The following ST6GALNAC2 variants were observed in gnomAD, a reference collection of about 807,000 sequenced individuals.
ST6GALNAC2 encodes the protein alpha-N-acetylgalactosaminide alpha-2,6-sialyltransferase 2.
ST6GALNAC2 carries 42 observed loss-of-function variants against 38.7 expected under a neutral mutation model. The ratio of observed to expected loss-of-function variants is 1.09; its 90% CI spans 0.85 to 1.40. ST6GALNAC2 has a LOEUF of 1.40. Ranked by LOEUF, ST6GALNAC2 falls within the 40% of genes most tolerant of loss-of-function variation. The probability of loss-of-function intolerance (pLI) is 0.00; values close to 1 mark genes in which losing one functional copy is unlikely to be tolerated. For synonymous variants in ST6GALNAC2, 233 were observed against 209.0 expected, an observed-to-expected ratio of 1.11 and a Z score of -0.99; for missense variants, 506 against 481.7, an observed-to-expected ratio of 1.05 and a Z score of -0.47.
chr17:76,574,348 C>T lies in ST6GALNAC2; in HGVS notation c.361+17G>A. 1 of 1,605,218 alleles carries T rather than the reference C, an allele frequency of 6.2e-7. No individual in the cohort carries two copies. The highest frequency in any genetic ancestry group is 1.1e-5 in the South Asian group (1 of 90,174). ...GCTAAGGCAGAAGGCAGGTGAGAGA[C>T]AGCGGGCGCGGGTTACCTTGGTGAG... On this transcript the variant is annotated intron_variant, in intron 3 of 8. Coordinates refer to ENST00000225276, the MANE Select transcript of ST6GALNAC2 (RefSeq NM_006456.3).
chr17:76,568,962 G>T, intron 6 of ST6GALNAC2, 166 bp from the exon 7 acceptor site: 1 of 625,632 alleles, frequency 1.6e-6, no homozygotes, highest in South Asian at 1.9e-5. Flanking sequence ...CAGGCAGTAC[G>T]TTGGGGACCA....
intron 8 of ST6GALNAC2, among the ~76,000 whole-genome samples, chr17:76,566,711 AAAAG>A (rs1387487374): frequency 2.3e-4 from 35 of 152,102 alleles, no homozygotes; most frequent in African/African-American, 5.3e-4. Flanking sequence ...AAAAAAAAAA[AAAAG>A]AGCTGGGCGT....
chr17:76,583,049 C>G (rs2075498232), intron 1 of ST6GALNAC2, among the ~76,000 whole-genome samples: 1 of 152,126 alleles, frequency 6.6e-6, no homozygotes, highest in African/African-American at 2.4e-5. Flanking sequence ...ATTAGATACC[C>G]TGAAACAATT....
chr17:76,579,953 C>T (rs182639526), intron 1 of ST6GALNAC2, among the ~76,000 whole-genome samples: 1 of 152,344 alleles, frequency 6.6e-6, no homozygotes, highest in East Asian at 1.9e-4. Context: ...TCTGAAACCT[C>T]ACTTCCTGGG....
chr17:76,583,505 T>C (rs990436127), intron 1 of ST6GALNAC2, among the ~76,000 whole-genome samples: 2 of 151,966 alleles, frequency 1.3e-5, no homozygotes, highest in Non-Finnish European at 2.9e-5. Context: ...AGAGTGAGAC[T>C]GTCCCCAAAA....
intron 1 of ST6GALNAC2, among the ~76,000 whole-genome samples, chr17:76,583,984 T>G: frequency 8.4e-6 from 1 of 119,268 alleles, no homozygotes; most frequent in Admixed American, 9.5e-5. Flanking sequence ...ATTTTTTGTA[T>G]TTTTTAGTAG....
rs148038348 is a variant in ST6GALNAC2 at position 76,572,928 on chromosome 17, C to G, written c.531-153G>C. Among the ~76,000 whole-genome samples, 751 of 152,274 alleles carry G rather than the reference C, an allele frequency of 4.9e-3. 8 individuals carry two copies. The highest frequency in any genetic ancestry group is 0.017 in the African/African-American group (696 of 41,546). On this transcript the variant is annotated intron_variant, in intron 4 of 8. Transcript: ENST00000225276. ...CCAGTGCCCAGTTGTCAACCAGACCCCCACTCCTCCAGACCTCAAGGGGTG... is the reference window on the plus strand; with the variant it reads ...CCAGTGCCCAGTTGTCAACCAGACCGCCACTCCTCCAGACCTCAAGGGGTG...
chr17:76,567,649 G>A, intron 7 of ST6GALNAC2, 97 bp from the exon 8 acceptor site: 1 of 784,732 alleles, frequency 1.3e-6, no homozygotes, highest in Non-Finnish European at 2.2e-6. Flanking sequence ...TTCAAAAACT[G>A]AGGGCCTTCT....
At chr17:76,569,448 G>A (rs1046233905) in intron 6 of ST6GALNAC2, 18 of 373,112 alleles carry the variant, frequency 4.8e-5, no homozygotes, top group Non-Finnish European at 7.0e-5. Flanking sequence ...CCTGAGGACT[G>A]GGGTTCAGGG....
chr17:76,581,952 C>T (rs1263079289), intron 1 of ST6GALNAC2, among the ~76,000 whole-genome samples: 2 of 151,946 alleles, frequency 1.3e-5, no homozygotes, highest in African/African-American at 2.4e-5. Flanking sequence ...ACTGCAACCT[C>T]CACCTCCTGG....
chr17:76,582,338 A>ATTT lies in ST6GALNAC2; in HGVS notation c.125+3343_125+3345dup, dbSNP rs71158026. Among the ~76,000 whole-genome samples the ATTT allele has an allele frequency of 3.0e-3, 344 of 115,324 alleles. 7 individuals carry two copies. The highest frequency in any genetic ancestry group is 0.02 in the East Asian group (79 of 4,002). 75.7% of individuals were successfully genotyped at this position (115,324 alleles called of 152,430 possible). A position where few individuals can be genotyped will look rare whatever the true frequency, so the allele number is the denominator to read the frequency against. ...CAGGCATGTGTCACCATGCCTGGCT[A>ATTT]TTTTTTTTTTTTTTGGTATTTTTAG... On this transcript the variant is annotated intron_variant, in intron 1 of 8. Transcript: ENST00000225276.
At chr17:76,570,033 G>A (rs2075335215) in intron 6 of ST6GALNAC2, 1 of 164,456 alleles carries the variant, frequency 6.1e-6, no homozygotes. Flanking sequence ...AGGAAGGTGG[G>A]AAAGAAGACA....
intron 2 of ST6GALNAC2, among the ~76,000 whole-genome samples, chr17:76,575,638 C>G (rs555115012): frequency 1.3e-5 from 2 of 152,088 alleles, no homozygotes; most frequent in Non-Finnish European, 2.9e-5. Flanking sequence ...TTCTGTGGAT[C>G]GAAGCCCCCC....
intron 8 of ST6GALNAC2, among the ~76,000 whole-genome samples, chr17:76,567,181 AAAG>A (rs1393025710): frequency 1.3e-5 from 2 of 152,156 alleles, no homozygotes; most frequent in Admixed American, 6.6e-5. Context: ...GAGAAGAGTG[AAAG>A]AAGGAAGCCT....
chr17:76,572,961 G>T (rs952366907), intron 4 of ST6GALNAC2, among the ~76,000 whole-genome samples, 186 bp from the exon 5 acceptor site: 3 of 152,196 alleles, frequency 2.0e-5, no homozygotes, highest in Non-Finnish European at 4.4e-5. Context: ...GTGACGCCCT[G>T]TGAGTGGGTA....
chr17:76,577,989 A>T (rs2075435982), intron 2 of ST6GALNAC2, among the ~76,000 whole-genome samples: 1 of 152,162 alleles, frequency 6.6e-6, no homozygotes, highest in Admixed American at 6.5e-5. Context: ...TAGAGGCCCC[A>T]GTCAGCATGT....
At chr17:76,576,692 C>T (rs536075517) in intron 2 of ST6GALNAC2, among the ~76,000 whole-genome samples, 4 of 152,066 alleles carry the variant, frequency 2.6e-5, no homozygotes, top group South Asian at 2.1e-4. Flanking sequence ...AAATCCAGGC[C>T]GGGCACGGTG....
chr17:76,569,351 G>T, intron 6 of ST6GALNAC2: 1 of 392,518 alleles, frequency 2.5e-6, no homozygotes, highest in East Asian at 3.6e-5. Flanking sequence ...GAAGGGTTTC[G>T]AGAGAGGGAT....
intron 1 of ST6GALNAC2, 111 bp from the exon 2 acceptor site, chr17:76,578,927 C>T: frequency 1.1e-6 from 1 of 880,864 alleles, no homozygotes; most frequent in Non-Finnish European, 1.7e-6. Context: ...TCTGTCTGTG[C>T]CCATCGTGGT....
Sources: gnomAD v4.1 joint callset for allele counts (sites outside exome capture counted in the v4.1 genomes callset) on GRCh38, gnomAD v4.1.1 for gene constraint, MANE v1.5 for transcripts, NCBI Gene and HGNC (gene_info 2026-07-23, HGNC 2026-07-21) for gene names.